SLC24A2: variants seen among roughly 807,000 people sequenced by gnomAD.
The protein encoded by SLC24A2 is sodium/potassium/calcium exchanger 2.
In SLC24A2, 36 loss-of-function variants were observed where a neutral mutation model predicts 62.0. The ratio of observed to expected loss-of-function variants is 0.58; its 90% CI spans 0.44 to 0.77. The LOEUF (loss-of-function observed/expected upper bound fraction) is 0.77. Among genes scored for constraint, SLC24A2 ranks in the 30% least tolerant of loss-of-function variants. The pLI is 0.00. For missense variants in SLC24A2, 846 were observed against 817.9 expected (o/e 1.03, Z -0.42); for synonymous variants, 358 against 294.0 (o/e 1.22, Z -2.23).
chr9:20,267,083 T>C, the SLC24A2 span, among the ~76,000 whole-genome samples: 1 of 149,232 alleles, frequency 6.7e-6, no homozygotes, highest in East Asian at 1.9e-4. Context: ...GCTGGTTTGG[T>C]TTAACTGACA....
intron 8 of SLC24A2, among the ~76,000 whole-genome samples, chr9:19,533,350 A>T (rs1222725652): frequency 6.6e-6 from 1 of 152,180 alleles, no homozygotes; most frequent in African/African-American, 2.4e-5. Flanking sequence ...GTGGAAGCAC[A>T]TAAGTTCTAT....
chr9:20,097,453 T>C, the SLC24A2 span, among the ~76,000 whole-genome samples: 160 of 152,210 alleles, frequency 1.1e-3, 1 homozygote, highest in Non-Finnish European at 1.9e-3. Flanking sequence ...AAAAATACTG[T>C]AGTTGGATGT....
chr9:19,870,069 T>G, the SLC24A2 span, among the ~76,000 whole-genome samples: 1 of 152,170 alleles, frequency 6.6e-6, no homozygotes. Flanking sequence ...AAATTTACAA[T>G]TCAGTCTTTT....
chr9:19,848,071 G>A, the SLC24A2 span, among the ~76,000 whole-genome samples: 2 of 152,198 alleles, frequency 1.3e-5, no homozygotes, highest in Non-Finnish European at 2.9e-5. Flanking sequence ...ATATCAGACT[G>A]TGTCATAATT....
chr9:19,616,262 A>G (rs1219041030), intron 4 of SLC24A2, among the ~76,000 whole-genome samples: 1 of 152,236 alleles, frequency 6.6e-6, no homozygotes, highest in African/African-American at 2.4e-5. Context: ...TATGGCAATT[A>G]AGATGTGCTA....
At chr9:20,158,384 G>T in the SLC24A2 span, among the ~76,000 whole-genome samples, 2 of 151,594 alleles carry the variant, frequency 1.3e-5, no homozygotes, top group African/African-American at 2.4e-5. Context: ...GTCAGGAGGG[G>T]TCCACCCCCA....
At chr9:20,072,835 G>C in the SLC24A2 span, among the ~76,000 whole-genome samples, 27 of 152,190 alleles carry the variant, frequency 1.8e-4, 1 homozygote, top group African/African-American at 6.0e-4. Context: ...GCCTTCAGAA[G>C]GAAGCAGACC....
chr9:19,948,493 A>T, the SLC24A2 span, among the ~76,000 whole-genome samples: 1 of 152,252 alleles, frequency 6.6e-6, no homozygotes, highest in Non-Finnish European at 1.5e-5. Context: ...ATGTGAGAAC[A>T]GTATTTCCAA....
At chr9:19,838,592 C>T in the SLC24A2 span, among the ~76,000 whole-genome samples, 7 of 150,200 alleles carry the variant, frequency 4.7e-5, no homozygotes, top group East Asian at 5.8e-4. Flanking sequence ...TGAGTCGAGA[C>T]GGTGCCACTG....
chr9:19,725,589 T>C (rs1214237844), intron 2 of SLC24A2, among the ~76,000 whole-genome samples: 1 of 152,222 alleles, frequency 6.6e-6, no homozygotes, highest in African/African-American at 2.4e-5. Flanking sequence ...CAGCATTTTA[T>C]TTTATGTGCA....
At chr9:19,720,010 T>C (rs1031741229) in intron 2 of SLC24A2, among the ~76,000 whole-genome samples, 1 of 152,162 alleles carries the variant, frequency 6.6e-6, no homozygotes, top group Non-Finnish European at 1.5e-5. Flanking sequence ...ATTCACATAA[T>C]GAAATTTCTA....
At chr9:19,909,932 A>G in the SLC24A2 span, among the ~76,000 whole-genome samples, 3 of 152,028 alleles carry the variant, frequency 2.0e-5, no homozygotes, top group Admixed American at 2.0e-4. Flanking sequence ...TCCTGCAAAC[A>G]TGTTCAAATT....
At chr9:19,528,902 T>C (rs1833558281) in intron 8 of SLC24A2, among the ~76,000 whole-genome samples, 1 of 152,186 alleles carries the variant, frequency 6.6e-6, no homozygotes, top group South Asian at 2.1e-4. Context: ...AAGTAGACTT[T>C]ATGCTATCTC....
chr9:19,653,279 G>A (rs768007699), intron 2 of SLC24A2, among the ~76,000 whole-genome samples: 2 of 152,168 alleles, frequency 1.3e-5, no homozygotes, highest in East Asian at 1.9e-4. Context: ...GCTCATTGAC[G>A]TTCTGTTAGG....
chr9:20,152,708 C>T, the SLC24A2 span, among the ~76,000 whole-genome samples: 1 of 151,940 alleles, frequency 6.6e-6, no homozygotes, highest in South Asian at 2.1e-4. Context: ...AAAGCAAGTA[C>T]ACCCCAAATA....
At chr9:19,649,646 C>CA (rs1418900431) in intron 2 of SLC24A2, among the ~76,000 whole-genome samples, 2 of 152,206 alleles carry the variant, frequency 1.3e-5, no homozygotes. Context: ...CCAGTACTAG[C>CA]ATGTTCAAGC....
chr9:19,611,069 C>T (rs906684272), intron 4 of SLC24A2, among the ~76,000 whole-genome samples: 9 of 152,254 alleles, frequency 5.9e-5, no homozygotes, highest in African/African-American at 2.2e-4. Context: ...CATTGTTTTG[C>T]TTCTGATATT....
At chr9:19,635,956 A>G (rs1244273301) in intron 2 of SLC24A2, among the ~76,000 whole-genome samples, 1 of 152,202 alleles carries the variant, frequency 6.6e-6, no homozygotes, top group Non-Finnish European at 1.5e-5. Flanking sequence ...AACGTCTGCT[A>G]CTGGTGTGTA....
At chr9:19,732,602 G>C (rs1435748045) in intron 2 of SLC24A2, among the ~76,000 whole-genome samples, 1 of 152,136 alleles carries the variant, frequency 6.6e-6, no homozygotes, top group Non-Finnish European at 1.5e-5. Context: ...TGAGGCTTTG[G>C]CAATGTCAGT....
Sources: allele counts gnomAD v4.1 joint callset (sites outside exome capture counted in the v4.1 genomes callset), GRCh38; gene constraint gnomAD v4.1.1; transcripts MANE v1.5; gene names NCBI Gene and HGNC (gene_info 2026-07-23, HGNC 2026-07-21).